EYS: variants seen among roughly 807,000 people sequenced by gnomAD.
EYS encodes protein eyes shut homolog.
In EYS, 250 loss-of-function variants were observed where a neutral mutation model predicts 282.1. The ratio of observed to expected loss-of-function variants is 0.89; its 90% CI spans 0.80 to 0.98. The LOEUF (loss-of-function observed/expected upper bound fraction) is 0.98, where lower values mean the gene tolerates loss of function less well. EYS is among the 50% of genes least tolerant of loss of function. The probability of loss-of-function intolerance (pLI) is 0.00; values close to 1 mark genes in which losing one functional copy is unlikely to be tolerated. For synonymous variants in EYS, 1,355 were observed against 1,282.9 expected (o/e 1.06, Z -1.20); for missense variants, 4,016 against 3,709.0 (o/e 1.08, Z -2.15).
intron 22 of EYS, among the ~76,000 whole-genome samples, chr6:64,695,410 A>C (rs539645455): frequency 2.4e-4 from 36 of 151,994 alleles, no homozygotes; most frequent in Middle Eastern, 3.4e-3. Flanking sequence ...TGCCCATTGC[A>C]CCCCAGCTAC....
At chr6:65,536,617 A>T (rs73447248) in intron 2 of EYS, among the ~76,000 whole-genome samples, 2,279 of 152,260 alleles carry the variant, frequency 0.015, 51 homozygotes, top group African/African-American at 0.051. Flanking sequence ...AAAATGCTAG[A>T]AAAATGTGAT....
intron 36 of EYS, among the ~76,000 whole-genome samples, chr6:63,836,616 TC>T (rs994666089): frequency 9.9e-5 from 15 of 151,930 alleles, no homozygotes; most frequent in African/African-American, 3.4e-4. Context: ...ATGTAAAAAA[TC>T]ATATGGTATG....
intron 12 of EYS, among the ~76,000 whole-genome samples, chr6:65,146,930 T>C (rs940572350): frequency 6.6e-6 from 1 of 152,154 alleles, no homozygotes; most frequent in East Asian, 1.9e-4. Flanking sequence ...GGTGACATCA[T>C]TTAATGCTAC....
chr6:65,220,846 T>G (rs1766445464), intron 12 of EYS, among the ~76,000 whole-genome samples: 1 of 152,086 alleles, frequency 6.6e-6, no homozygotes, highest in South Asian at 2.1e-4. Flanking sequence ...AAGTACAGGT[T>G]GAGGTGCTTT....
chr6:64,195,510 C>A (rs747110611), intron 31 of EYS, among the ~76,000 whole-genome samples: 1 of 152,134 alleles, frequency 6.6e-6, no homozygotes, highest in Non-Finnish European at 1.5e-5. Flanking sequence ...ACCATATTGG[C>A]CAGGCTGGTT....
At chr6:65,294,837 A>C (rs1768619231) in intron 12 of EYS, among the ~76,000 whole-genome samples, 1 of 151,930 alleles carries the variant, frequency 6.6e-6, no homozygotes, top group Non-Finnish European at 1.5e-5. Flanking sequence ...TAGCACATTT[A>C]TGCAATTTTA....
chr6:64,052,431 A>G (rs562536461), intron 33 of EYS, among the ~76,000 whole-genome samples: 2 of 152,314 alleles, frequency 1.3e-5, no homozygotes, highest in African/African-American at 2.4e-5. Context: ...TATTCATTTT[A>G]GTATAACATA....
intron 33 of EYS, among the ~76,000 whole-genome samples, chr6:64,025,739 T>C (rs1223765393): frequency 6.6e-6 from 1 of 152,102 alleles, no homozygotes; most frequent in East Asian, 1.9e-4. Context: ...CCTCAGAAAG[T>C]GTATCCTTCC....
intron 12 of EYS, among the ~76,000 whole-genome samples, chr6:65,213,249 G>A (rs533296744): frequency 6.8e-4 from 103 of 152,282 alleles, no homozygotes; most frequent in African/African-American, 2.3e-3. Context: ...ATCCGTGTGC[G>A]CACCTGCGGC....
At chr6:64,276,814 C>T (rs771421044) in intron 30 of EYS, among the ~76,000 whole-genome samples, 1 of 152,118 alleles carries the variant, frequency 6.6e-6, no homozygotes, top group Non-Finnish European at 1.5e-5. Flanking sequence ...AAAACCTAGA[C>T]ATGGCCTCAT....
At position 64,300,667 on chromosome 6, in the gene EYS, G is replaced by A. The variant is rs116320588; in HGVS notation, c.6191+6303C>T. On this transcript the variant is annotated intron_variant, in intron 30 of 42. Transcript: ENST00000503581. ...TTCCCAAAAAGTCTGGTAAATGAAG[G>A]TTTTGCATGACCTACGTGCTATTAA... is the stretch of plus-strand genomic sequence containing the variant. Among the ~76,000 whole-genome samples the A allele has an allele frequency of 7.8e-3, 1,187 of 152,256 alleles. 10 individuals are homozygous for A. The highest frequency in any genetic ancestry group is 0.013 in the Non-Finnish European group (894 of 68,018).
At position 64,306,838 on chromosome 6, in the gene EYS, C is replaced by T. The variant is rs9362694; in HGVS notation, c.6191+132G>A. The T allele has an allele frequency of 0.72, 440,248 of 614,218 alleles. 159,039 individuals are homozygous for T. Among genetic ancestry groups the T allele is most frequent in the African/African-American group, 0.89 (47,283 of 53,012 alleles). The allele number at this position is 614,218 out of a possible 1,614,324, so 38.0% of individuals were successfully genotyped here. A position where few individuals can be genotyped will look rare whatever the true frequency, so the allele number is the denominator to read the frequency against. On this transcript the variant is annotated intron_variant, in intron 30 of 42. Transcript: ENST00000503581. ...TAAACTGTAAAAGAGTGAAGTAGAA[C>T]GTAGGAATGTGAAGCAAAAACAAAG... is the stretch of plus-strand genomic sequence containing the variant.
At chr6:65,024,924 G>C (rs1772359619) in intron 13 of EYS, among the ~76,000 whole-genome samples, 1 of 152,038 alleles carries the variant, frequency 6.6e-6, no homozygotes, top group Non-Finnish European at 1.5e-5. Context: ...TCCACAACTA[G>C]GGTGATTAAG....
intron 12 of EYS, among the ~76,000 whole-genome samples, chr6:65,116,164 A>T (rs1775368047): frequency 6.6e-6 from 1 of 152,160 alleles, no homozygotes; most frequent in East Asian, 1.9e-4. Flanking sequence ...GAAAACACAG[A>T]AAAACTTATG....
In EYS at chr6:64,335,307, CT is replaced by C. The variant is rs1425363309; in HGVS notation, c.6079-28226del. Among the ~76,000 whole-genome samples the C allele has an allele frequency of 2.2e-5, 3 of 134,198 alleles. No homozygotes were observed. The Admixed American group carries it at 2.5e-4, about 11-fold the overall frequency. 88.0% of individuals were successfully genotyped at this position (134,198 alleles called of 152,430 possible). On this transcript the variant is annotated intron_variant, in intron 29 of 42. Coordinates refer to ENST00000503581, the MANE Select transcript of EYS (RefSeq NM_001142800.2). ...AGAATATTAACAGCCTATCTTCTCT[CT>C]GCGGTCAGTAGACCTTATCTATACT...
At chr6:65,004,756 T>G (rs1771586330) in intron 13 of EYS, among the ~76,000 whole-genome samples, 1 of 147,516 alleles carries the variant, frequency 6.8e-6, no homozygotes, top group African/African-American at 2.4e-5. Flanking sequence ...TCCAATTTAT[T>G]CTCTATTCTC....
intron 31 of EYS, among the ~76,000 whole-genome samples, chr6:64,219,852 T>A (rs1766043494): frequency 6.6e-6 from 1 of 152,102 alleles, no homozygotes; most frequent in Admixed American, 6.6e-5. Flanking sequence ...TATGCAGCCA[T>A]AAAAAATGAT....
At chr6:64,284,779 C>A (rs1426851704) in intron 30 of EYS, among the ~76,000 whole-genome samples, 2 of 152,182 alleles carry the variant, frequency 1.3e-5, no homozygotes, top group Non-Finnish European at 2.9e-5. Context: ...GCTGCCAAGA[C>A]TTGAGGCTTG....
intron 22 of EYS, among the ~76,000 whole-genome samples, chr6:64,808,024 C>T (rs192735371): frequency 1.3e-5 from 2 of 150,752 alleles, no homozygotes; most frequent in East Asian, 3.9e-4. Flanking sequence ...CTCCTTCCTT[C>T]CTCCCTCCTT....
Sources: allele counts gnomAD v4.1 joint callset (sites outside exome capture counted in the v4.1 genomes callset), GRCh38; gene constraint gnomAD v4.1.1; transcripts MANE v1.5; gene names NCBI Gene and HGNC (gene_info 2026-07-23, HGNC 2026-07-21).